The following PI4KA variants were observed in gnomAD, a reference collection of about 807,000 sequenced individuals.
The protein encoded by PI4KA is PI4-kinase alpha.
PI4KA carries 122 observed loss-of-function variants against 271.4 expected under a neutral mutation model. That is an observed-to-expected ratio of 0.45 (90% CI 0.39 to 0.52). PI4KA has a LOEUF of 0.52. PI4KA is among the 20% of genes least tolerant of loss of function. The pLI is 0.00. For missense variants in PI4KA, 1,969 were observed against 2,769.1 expected (o/e 0.71, Z 6.48); for synonymous variants, 1,041 against 1,078.8 (o/e 0.96, Z 0.69).
chr22:20,714,741 A>T (rs1466986476), intron 45 of PI4KA, 41 bp from the exon 46 acceptor site: 1 of 1,594,192 alleles, frequency 6.3e-7, no homozygotes, highest in African/African-American at 1.3e-5. Flanking sequence ...TGCATGTGTC[A>T]CCACAGGTGA....
chr22:20,712,928 G>A (rs1925500233), intron 48 of PI4KA, 131 bp from the exon 49 acceptor site: 1 of 1,274,080 alleles, frequency 7.8e-7, no homozygotes, highest in Non-Finnish European at 1.1e-6. Flanking sequence ...CCGAGCAAGA[G>A]TCTGGAAGGC....
At chr22:20,750,029 A>C in intron 27 of PI4KA, 35 bp from the exon 28 acceptor site, 2 of 1,421,546 alleles carry the variant, frequency 1.4e-6, no homozygotes, top group Non-Finnish European at 2.0e-6. Context: ...CAACAACCCG[A>C]GGTCAGTTCA....
rs148403010 is a variant in PI4KA, at chr22:20,845,710, C to T, written c.157-6979G>A. Reference sequence around the variant, plus strand: ...CTGGATCAGAGTTTCATTAGAGATGCGCTTTTGAGCTGAGCGCGGTGGGAA... The same window carrying T: ...CTGGATCAGAGTTTCATTAGAGATGTGCTTTTGAGCTGAGCGCGGTGGGAA... On this transcript the variant is annotated intron_variant, in intron 1 of 54. Transcript: ENST00000255882. Among the ~76,000 whole-genome samples the T allele has an allele frequency of 7.0e-4, 106 of 152,226 alleles. No individual in the cohort carries two copies. The East Asian group carries it at 0.019, about 27-fold the overall frequency.
chr22:20,829,164 C>T (rs1923828637), intron 3 of PI4KA, among the ~76,000 whole-genome samples: 1 of 152,044 alleles, frequency 6.6e-6, no homozygotes, highest in Non-Finnish European at 1.5e-5. Flanking sequence ...CAGCATGATG[C>T]TACCCTCATA....
At chr22:20,824,026 G>A (rs540147144) in intron 4 of PI4KA, among the ~76,000 whole-genome samples, 73 of 151,454 alleles carry the variant, frequency 4.8e-4, no homozygotes, top group African/African-American at 1.7e-3. Context: ...TTTTTCTGCC[G>A]CCTACCTTAA....
intron 18 of PI4KA, among the ~76,000 whole-genome samples, chr22:20,795,248 A>T (rs755244976): frequency 7.3e-5 from 11 of 150,922 alleles, no homozygotes; most frequent in Non-Finnish European, 1.5e-4. Context: ...TGTTATCAAC[A>T]CCAACTCATA....
At chr22:20,779,990 C>A (rs763757824) in intron 19 of PI4KA, 1 of 1,614,136 alleles carries the variant, frequency 6.2e-7, no homozygotes, top group Non-Finnish European at 8.5e-7. Context: ...ACCTTTATAT[C>A]CAGAAGCAGT....
intron 1 of PI4KA, among the ~76,000 whole-genome samples, chr22:20,856,437 C>CTT (rs362093): frequency 2.9e-5 from 4 of 136,900 alleles, no homozygotes; most frequent in Admixed American, 7.3e-5. Flanking sequence ...TAATCTTTTT[C>CTT]TTTTTTTTTT....
rs1928007892 is a variant in PI4KA, at chr22:20,858,768, G to A, written c.-43C>T. 7.3e-7 allele frequency: 1 copy of A among 1,371,098 alleles called. No homozygotes were observed. Among genetic ancestry groups the A allele is most frequent in the Middle Eastern group, 1.9e-4 (1 of 5,296 alleles). The allele number at this position is 1,371,098 out of a possible 1,614,324, so 84.9% of individuals were successfully genotyped here. On this transcript the variant is annotated 5_prime_UTR_variant, in exon 1 of 55. Coordinates refer to ENST00000255882, the MANE Select transcript of PI4KA (RefSeq NM_058004.4). Reference sequence around the variant, plus strand: ...CGCTGCCCGCCGGCTCCCCGCTCCTGGCCCGCGAGCGCCCGACCTCAGGGC... The same window carrying A: ...CGCTGCCCGCCGGCTCCCCGCTCCTAGCCCGCGAGCGCCCGACCTCAGGGC...
At chr22:20,831,827 T>C (rs984100121) in intron 3 of PI4KA, among the ~76,000 whole-genome samples, 5 of 152,236 alleles carry the variant, frequency 3.3e-5, no homozygotes, top group Middle Eastern at 3.4e-3. Flanking sequence ...TAGTATTTCA[T>C]AGGGGTTCTC....
At chr22:20,786,650 C>A (rs1934256049) in intron 19 of PI4KA, among the ~76,000 whole-genome samples, 1 of 152,174 alleles carries the variant, frequency 6.6e-6, no homozygotes, top group Non-Finnish European at 1.5e-5. Context: ...GACCCTCAGA[C>A]CACAGGCACT....
chr22:20,744,624 G>A lies in PI4KA; in HGVS notation c.3456+4C>T. On this transcript the variant is annotated splice_donor_region_variant and intron_variant, in intron 30 of 54. Coordinates refer to ENST00000255882, the MANE Select transcript of PI4KA (RefSeq NM_058004.4). Reference sequence around the variant, plus strand: ...GCCCTAGGGCGCAAGGACAAGAGAAGCACCTCGCCCGCGTAGCGGTTGCGC... The same window carrying A: ...GCCCTAGGGCGCAAGGACAAGAGAAACACCTCGCCCGCGTAGCGGTTGCGC... 1 of 1,611,478 alleles carries A rather than the reference G, an allele frequency of 6.2e-7. No homozygotes were observed. Among genetic ancestry groups the A allele is most frequent in the Non-Finnish European group, 8.5e-7 (1 of 1,177,606 alleles).
At chr22:20,804,950 G>C (rs1240783135) in intron 11 of PI4KA, 24 bp downstream of exon 11, 1 of 1,578,088 alleles carries the variant, frequency 6.3e-7, no homozygotes. Context: ...GAGCTCACAT[G>C]AGAGGCAAGG....
chr22:20,784,039 G>A lies in PI4KA; in HGVS notation c.2328+9154C>T, dbSNP rs1361450691. Reference sequence around the variant, plus strand: ...ACAACTTCCGGCTGAATGAGAGAGAGGTAGTTAAGGTTTCCATGATGCAGA... The same window carrying A: ...ACAACTTCCGGCTGAATGAGAGAGAAGTAGTTAAGGTTTCCATGATGCAGA... On this transcript the variant is annotated intron_variant, in intron 19 of 54. Transcript: ENST00000255882. The A allele has an allele frequency of 1.9e-6, 3 of 1,614,180 alleles. No homozygotes were observed. Among genetic ancestry groups the A allele is most frequent in the Non-Finnish European group, 2.5e-6 (3 of 1,180,040 alleles).
Position 20,717,011 on chromosome 22 carries a change from C to T in PI4KA, c.5317+697G>A, listed in dbSNP as rs200768343. On this transcript the variant is annotated intron_variant, in intron 45 of 54. Transcript: ENST00000255882. The stretch of plus-strand genomic sequence containing the variant: ...CTGTAATCCTAGCACTTTGGGAGGC[C>T]GAGGCGGGCAGATCACAAGGTCAGG... 2.1e-4 allele frequency among the ~76,000 whole-genome samples: 32 copies of T among 152,118 alleles called. No homozygotes were observed. The East Asian group carries it at 3.9e-3, about 18-fold the overall frequency.
At chr22:20,752,768 G>T in intron 25 of PI4KA, 135 bp downstream of exon 25, 4 of 859,398 alleles carry the variant, frequency 4.7e-6, no homozygotes, top group South Asian at 1.6e-5. Flanking sequence ...GAGGGAGGCT[G>T]CATCACCCTT....
intron 18 of PI4KA, 96 bp downstream of exon 18, chr22:20,796,050 A>C: frequency 9.0e-7 from 1 of 1,106,030 alleles, no homozygotes; most frequent in Non-Finnish European, 1.3e-6. Context: ...TCACAAAGAA[A>C]GTGCCATATT....
intron 39 of PI4KA, 110 bp downstream of exon 39, chr22:20,729,203 C>T: frequency 2.2e-6 from 2 of 889,974 alleles, no homozygotes; most frequent in East Asian, 2.6e-5. Context: ...TCCTGACTAT[C>T]CTTGAAAGGG....
intron 9 of PI4KA, 61 bp from the exon 10 acceptor site, chr22:20,807,519 C>G: frequency 1.0e-6 from 1 of 957,430 alleles, no homozygotes; most frequent in South Asian, 1.3e-5. Flanking sequence ...CCACCCTTTG[C>G]CTTCACAGCA....
Sources: gnomAD v4.1 joint callset for allele counts (sites outside exome capture counted in the v4.1 genomes callset) on GRCh38, gnomAD v4.1.1 for gene constraint, MANE v1.5 for transcripts, NCBI Gene and HGNC (gene_info 2026-07-23, HGNC 2026-07-21) for gene names.